ACSBG1: variants seen among roughly 807,000 people sequenced by gnomAD.
ACSBG1 encodes acyl-CoA synthetase bubblegum family member 1.
Under a neutral mutation model 80.2 loss-of-function variants are expected in ACSBG1, and 39 were observed. That is an observed-to-expected ratio of 0.49 (90% CI 0.38 to 0.64). The LOEUF (loss-of-function observed/expected upper bound fraction) is 0.64. Among genes scored for constraint, ACSBG1 ranks in the 30% least tolerant of loss-of-function variants. The pLI is 0.00. For synonymous variants in ACSBG1, 392 were observed against 379.5 expected (o/e 1.03, Z -0.38); for missense variants, 828 against 966.4 (o/e 0.86, Z 1.90).
At position 78,217,102 on chromosome 15, in the gene ACSBG1, C is replaced by T. The variant is rs77371521; in HGVS notation, c.132-9000G>A. Among the ~76,000 whole-genome samples the T allele has an allele frequency of 9.0e-3, 1,369 of 152,324 alleles. 8 individuals carry two copies. The highest frequency in any genetic ancestry group is 0.014 in the Non-Finnish European group (961 of 68,028). On this transcript the variant is annotated intron_variant, in intron 1 of 13. Coordinates refer to ENST00000258873, the MANE Select transcript of ACSBG1 (RefSeq NM_015162.5). Reference sequence around the variant, plus strand: ...AGGGCTCTGGGCTGGAATTCTGCTGCATCAGGTAGGGACAAGGCTGCAAAG... The same window carrying T: ...AGGGCTCTGGGCTGGAATTCTGCTGTATCAGGTAGGGACAAGGCTGCAAAG...
chr15:78,207,917 T>TGCCCCCCCCCCCCCCCCCC, intron 2 of ACSBG1, 85 bp downstream of exon 2: 1 of 876,066 alleles, frequency 1.1e-6, no homozygotes. Context: ...TGTGTGGTGG[T>TGCCCCCCCCCCCCCCCCCC]CCCCCACACC....
chr15:78,173,344 CAAAAAAAA>C (rs59008825), intron 13 of ACSBG1, among the ~76,000 whole-genome samples: 4 of 75,228 alleles, frequency 5.3e-5, no homozygotes, highest in East Asian at 5.8e-4. Flanking sequence ...GACTCCATCT[CAAAAAAAA>C]AAAAAAAAAA....
At chr15:78,227,132 T>C (rs1217336557) in intron 1 of ACSBG1, among the ~76,000 whole-genome samples, 5 of 147,704 alleles carry the variant, frequency 3.4e-5, no homozygotes, top group African/African-American at 5.0e-5. Context: ...GCCACGAGAA[T>C]TGCTTGAACC....
chr15:78,220,860 G>A (rs932547759), intron 1 of ACSBG1, among the ~76,000 whole-genome samples: 1 of 152,194 alleles, frequency 6.6e-6, no homozygotes, highest in African/African-American at 2.4e-5. Flanking sequence ...CTATACTGCT[G>A]GTGGGAATGC....
At chr15:78,204,467 C>G (rs1216032534) in intron 2 of ACSBG1, among the ~76,000 whole-genome samples, 1 of 152,196 alleles carries the variant, frequency 6.6e-6, no homozygotes, top group Middle Eastern at 3.2e-3. Flanking sequence ...CCAGACCTGC[C>G]CCACATGGCA....
intron 1 of ACSBG1, among the ~76,000 whole-genome samples, chr15:78,223,574 C>T (rs1349484580): frequency 6.6e-6 from 1 of 152,186 alleles, no homozygotes; most frequent in African/African-American, 2.4e-5. Context: ...GCTGCCACGT[C>T]ACAGACACTC....
intron 1 of ACSBG1, among the ~76,000 whole-genome samples, chr15:78,217,066 A>G (rs116119413): frequency 0.011 from 1,736 of 152,224 alleles, 27 homozygotes; most frequent in African/African-American, 0.039. Flanking sequence ...TCTATCTGTG[A>G]CTGGTCATCT....
chr15:78,182,867 CG>C, intron 5 of ACSBG1, 82 bp from the exon 6 acceptor site: 1 of 1,507,560 alleles, frequency 6.6e-7, no homozygotes, highest in African/African-American at 1.4e-5. Flanking sequence ...CTGTGTGAGT[CG>C]GCTTAGTAAA....
At position 78,179,115 on chromosome 15, in the gene ACSBG1, G is replaced by T. The variant is rs1205501795; in HGVS notation, c.1485-284C>A. 3 of 489,980 alleles carry T rather than the reference G, an allele frequency of 6.1e-6. No homozygotes were observed. In the East Asian group the frequency reaches 1.1e-4, roughly 18 times the overall value. The allele number at this position is 489,980 out of a possible 1,614,324, so 30.4% of individuals were successfully genotyped here. On this transcript the variant is annotated intron_variant, in intron 10 of 13. Coordinates refer to ENST00000258873, the MANE Select transcript of ACSBG1 (RefSeq NM_015162.5). Reference sequence around the variant, plus strand: ...ATATTTAATCATAATAGATGATCCTGCAAATCACTCCCCAGAACTGACCGC... The same window carrying T: ...ATATTTAATCATAATAGATGATCCTTCAAATCACTCCCCAGAACTGACCGC...
chr15:78,209,112 C>T (rs1357769605), intron 1 of ACSBG1: 1 of 455,614 alleles, frequency 2.2e-6, no homozygotes, highest in Non-Finnish European at 4.4e-6. Flanking sequence ...TAGCCCCATC[C>T]CTGCCCAGTT....
chr15:78,173,344 C>CAAAAAAAAAA (rs59008825), intron 13 of ACSBG1, among the ~76,000 whole-genome samples: 2 of 75,226 alleles, frequency 2.7e-5, no homozygotes, highest in African/African-American at 5.3e-5. Flanking sequence ...GACTCCATCT[C>CAAAAAAAAAA]AAAAAAAAAA....
chr15:78,199,659 T>C (rs1014669372), intron 2 of ACSBG1, among the ~76,000 whole-genome samples: 5 of 121,418 alleles, frequency 4.1e-5, no homozygotes, highest in South Asian at 2.5e-4. Flanking sequence ...CATTCCCAGC[T>C]TTTTTTTTTT....
At chr15:78,231,277 C>G (rs56942697) in intron 1 of ACSBG1, among the ~76,000 whole-genome samples, 1 of 147,930 alleles carries the variant, frequency 6.8e-6, no homozygotes, top group Non-Finnish European at 1.5e-5. Flanking sequence ...TGCGCCACCA[C>G]GCCTGGCTAA....
chr15:78,174,733 A>G, intron 11 of ACSBG1: 1 of 576,666 alleles, frequency 1.7e-6, no homozygotes, highest in Non-Finnish European at 3.0e-6. Context: ...TGCTCACCCA[A>G]GTTTCCCTCT....
At chr15:78,231,103 GCCA>G (rs1387460551) in intron 1 of ACSBG1, among the ~76,000 whole-genome samples, 3 of 152,104 alleles carry the variant, frequency 2.0e-5, no homozygotes, top group African/African-American at 7.2e-5. Flanking sequence ...ACAGGTATGT[GCCA>G]CCACATCTGG....
chr15:78,179,670 A>G lies in ACSBG1; in HGVS notation c.1364T>C (p.Met455Thr), dbSNP rs376464361. ...GAAGAAGTGCTGTGTCTCTGCCATC[A>G]TGGGGGCCGCTCCATAGAAGTTCTT... ...CQKNFYGAAP[M>T]MAETQHFFLG... Residue 455 changes from methionine (M) to threonine (T), a missense_variant, in exon 10 of 14, where the codon ATG becomes ACG. Physicochemically the swap from Met to Thr is moderately conservative, Grantham distance 81. Transcript: ENST00000258873. The G allele has an allele frequency of 1.9e-6, 3 of 1,614,038 alleles. No individual in the cohort carries two copies. The highest frequency in any genetic ancestry group is 1.7e-5 in the Admixed American group (1 of 60,006).
chr15:78,181,489 CTT>C (rs71145901), intron 8 of ACSBG1, among the ~76,000 whole-genome samples: 1,562 of 83,024 alleles, frequency 0.019, 10 homozygotes, highest in Non-Finnish European at 0.029. Context: ...CATCAGGTTT[CTT>C]TTTTTTTTTT....
At chr15:78,188,140 G>A (rs2075023275) in intron 5 of ACSBG1, among the ~76,000 whole-genome samples, 1 of 152,242 alleles carries the variant, frequency 6.6e-6, no homozygotes, top group East Asian at 1.9e-4. Context: ...ACCTCTTCAA[G>A]GAGAAGTACA....
intron 13 of ACSBG1, chr15:78,171,746 G>A: frequency 2.2e-6 from 1 of 463,162 alleles, no homozygotes; most frequent in Non-Finnish European, 3.9e-6. Flanking sequence ...GGCCAGTGGA[G>A]TATAGATGAA....
Sources: allele counts gnomAD v4.1 joint callset (sites outside exome capture counted in the v4.1 genomes callset), GRCh38; gene constraint gnomAD v4.1.1; transcripts MANE v1.5; gene names NCBI Gene and HGNC (gene_info 2026-07-23, HGNC 2026-07-21).